FRRS1L: variants seen among roughly 807,000 people sequenced by gnomAD.
FRRS1L encodes ferric chelate reductase 1 like, also known as DOMON domain-containing protein FRRS1L.
A neutral mutation model predicts 28.6 loss-of-function variants in FRRS1L; 22 were observed. That is an observed-to-expected ratio of 0.77 (90% CI 0.55 to 1.10). The LOEUF (loss-of-function observed/expected upper bound fraction) is 1.10. Ranked by LOEUF, FRRS1L falls within the 50% of genes least tolerant of loss-of-function variation. The pLI is 0.00. For synonymous variants in FRRS1L, 158 were observed against 151.4 expected (o/e 1.04, Z -0.32); for missense variants, 380 against 386.9 (o/e 0.98, Z 0.15).
At chr9:109,162,814 C>T (rs1831494635) in intron 1 of FRRS1L, among the ~76,000 whole-genome samples, 1 of 152,124 alleles carries the variant, frequency 6.6e-6, no homozygotes, top group Admixed American at 6.5e-5. Context: ...TGCCCTTTGC[C>T]CCATGTTCTG....
chr9:109,166,923 G>C lies in FRRS1L; in HGVS notation c.216C>G (p.Asp72Glu). The C allele has an allele frequency of 7.3e-7, 1 of 1,371,636 alleles. No homozygotes were observed. The highest frequency in any genetic ancestry group is 9.5e-7 in the Non-Finnish European group (1 of 1,053,218). The allele number at this position is 1,371,636 out of a possible 1,614,324, so 85.0% of individuals were successfully genotyped here. ...SYGTFAGEFY[D>E]LRYLSEEGYP... ...CACCCTCCTCCGACAGGTAGCGCAGGTCGTAGAACTCCCCCGCGAAGGTGC... is the reference window on the plus strand; with the variant it reads ...CACCCTCCTCCGACAGGTAGCGCAGCTCGTAGAACTCCCCCGCGAAGGTGC... The change falls in exon 1 of 5, where the codon GAC becomes GAG. Residue 72 changes from aspartate (D) to glutamate (E), a missense_variant. Physicochemically the swap from Asp to Glu is conservative, Grantham distance 45. Transcript: ENST00000561981.
chr9:109,138,278 C>A (rs1240875337), intron 4 of FRRS1L: 1 of 152,148 alleles, frequency 6.6e-6, no homozygotes, highest in Non-Finnish European at 1.5e-5. Context: ...CCAAACTAGT[C>A]TTTGGATGGG....
intron 3 of FRRS1L, among the ~76,000 whole-genome samples, chr9:109,143,686 T>C (rs1021203296): frequency 4.0e-5 from 6 of 151,886 alleles, no homozygotes; most frequent in African/African-American, 1.5e-4. Flanking sequence ...AGCTAATTTT[T>C]GTATTTTTAG....
At chr9:109,155,555 A>G (rs77195107) in intron 1 of FRRS1L, among the ~76,000 whole-genome samples, 3,640 of 152,110 alleles carry the variant, frequency 0.024, 62 homozygotes, top group East Asian at 0.094. Flanking sequence ...TTCTACTAAA[A>G]ATACAAAAAT....
intron 1 of FRRS1L, among the ~76,000 whole-genome samples, chr9:109,160,310 C>T (rs1831465145): frequency 6.6e-6 from 1 of 152,184 alleles, no homozygotes; most frequent in Admixed American, 6.5e-5. Flanking sequence ...AGTGGATAAT[C>T]CCACTAGCCA....
Position 109,143,532 on chromosome 9 carries a change from T to TC in FRRS1L, c.463-1944dup, listed in dbSNP as rs577085511. On this transcript the variant is annotated intron_variant, in intron 3 of 4. Transcript: ENST00000561981. ...ATAATGCACCTTTTTTTTTTTTTTT[T>TC]CCCCGACAGAGTCTCACTGTTGCTC... 6.3e-4 allele frequency among the ~76,000 whole-genome samples: 86 copies of TC among 135,642 alleles called. 1 individual carries two copies. Among genetic ancestry groups the TC allele is most frequent in the African/African-American group, 1.8e-3 (65 of 35,836 alleles). 89.0% of individuals were successfully genotyped at this position (135,642 alleles called of 152,430 possible). A position where few individuals can be genotyped will look rare whatever the true frequency, so the allele number is the denominator to read the frequency against.
chr9:109,161,180 C>T (rs1486988625), intron 1 of FRRS1L, among the ~76,000 whole-genome samples: 2 of 152,094 alleles, frequency 1.3e-5, no homozygotes, highest in Non-Finnish European at 2.9e-5. Context: ...AGTCTTGAGA[C>T]ATATGTGTTG....
chr9:109,142,566 C>A (rs1416937182), intron 3 of FRRS1L, among the ~76,000 whole-genome samples: 1 of 152,066 alleles, frequency 6.6e-6, no homozygotes, highest in Non-Finnish European at 1.5e-5. Context: ...GTCATCCCAA[C>A]AATGTGGGAA....
intron 3 of FRRS1L, among the ~76,000 whole-genome samples, chr9:109,146,522 C>T (rs1162690300): frequency 6.6e-6 from 1 of 152,156 alleles, no homozygotes; most frequent in Non-Finnish European, 1.5e-5. Context: ...GGAACACCCC[C>T]ACACATCTGG....
chr9:109,144,525 C>T (rs185180586), intron 3 of FRRS1L, among the ~76,000 whole-genome samples: 4 of 151,892 alleles, frequency 2.6e-5, no homozygotes, highest in Non-Finnish European at 4.4e-5. Flanking sequence ...CCACCATACC[C>T]GGCTAAGTTT....
chr9:109,142,872 C>A (rs140650290), intron 3 of FRRS1L, among the ~76,000 whole-genome samples: 1 of 151,768 alleles, frequency 6.6e-6, no homozygotes, highest in Non-Finnish European at 1.5e-5. Context: ...TTGTTATGTG[C>A]GTTTTACCAC....
chr9:109,139,340 G>A (rs1395270413), intron 4 of FRRS1L: 1 of 152,206 alleles, frequency 6.6e-6, no homozygotes, highest in African/African-American at 2.4e-5. Flanking sequence ...GAGCTTATCA[G>A]GTAAAGCAGG....
Position 109,137,557 on chromosome 9 carries a change from T to C in FRRS1L, c.780A>G (p.Glu260=). ...AGGCAGCTGATGGCATAAAAATGTC[T>C]TCATACTTGTAAATACTGACAACAC... The part of the protein sequence containing the change: ...SERVVSIYKY[E]DIFMPSAAYQ... Residue 260 remains glutamate, a synonymous_variant, in exon 5 of 5, where the codon GAA becomes GAG. Transcript: ENST00000561981. 4.3e-6 allele frequency: 7 copies of C among 1,613,242 alleles called. No homozygotes were observed. Among genetic ancestry groups the C allele is most frequent in the Non-Finnish European group, 5.9e-6 (7 of 1,179,364 alleles).
Position 109,166,976 on chromosome 9 carries a change from C to A in FRRS1L, c.163G>T (p.Ala55Ser). 7.6e-7 allele frequency: 1 copy of A among 1,312,036 alleles called. No homozygotes were observed. 81.3% of individuals were successfully genotyped at this position (1,312,036 alleles called of 1,614,324 possible). ...RARGDTGADE[A>S]VPRHDSSYGT... ...TAGGAGGAGTCGTGGCGCGGCACCG[C>A]CTCGTCGGCGCCCGTGTCCCCCCGC... is the stretch of plus-strand genomic sequence containing the variant. The change falls in exon 1 of 5, where the codon GCG becomes TCG. Residue 55 changes from alanine (A) to serine (S), a missense_variant. Physicochemically the swap from Ala to Ser is moderately conservative, Grantham distance 99. Transcript: ENST00000561981.
At chr9:109,155,041 G>A (rs913793629) in intron 1 of FRRS1L, among the ~76,000 whole-genome samples, 3 of 152,130 alleles carry the variant, frequency 2.0e-5, no homozygotes, top group Admixed American at 1.3e-4. Flanking sequence ...CTGGATCTAA[G>A]GTTCAGGTTC....
chr9:109,156,261 G>A (rs1383421480), intron 1 of FRRS1L, among the ~76,000 whole-genome samples: 9 of 152,164 alleles, frequency 5.9e-5, no homozygotes, highest in Admixed American at 5.9e-4. Flanking sequence ...TATCTTATGA[G>A]AGTTTTCAAA....
At chr9:109,141,625 A>G in intron 3 of FRRS1L, 36 bp from the exon 4 acceptor site, 1 of 1,594,270 alleles carries the variant, frequency 6.3e-7, no homozygotes, top group South Asian at 1.1e-5. Context: ...AAAAAAGTCA[A>G]AGGTTCATCT....
intron 3 of FRRS1L, among the ~76,000 whole-genome samples, chr9:109,146,366 G>A (rs1245619164): frequency 1.3e-5 from 2 of 152,162 alleles, no homozygotes; most frequent in Admixed American, 1.3e-4. Flanking sequence ...CCTGGGGCTT[G>A]TGACGGGTGT....
Position 109,162,778 on chromosome 9 carries a change from A to G in FRRS1L, c.238+4123T>C, listed in dbSNP as rs907234952. Among the ~76,000 whole-genome samples the G allele has an allele frequency of 1.1e-4, 17 of 152,230 alleles. 1 individual carries two copies. The highest frequency in any genetic ancestry group is 1.0e-3 in the Admixed American group (16 of 15,290). ...CATACCGTCCAAGGTAGATGGGGGA[A>G]GGATATAGGAAGATGACTAAACTTC... is the stretch of plus-strand genomic sequence containing the variant. On this transcript the variant is annotated intron_variant, in intron 1 of 4. Transcript: ENST00000561981.
Sources: gnomAD v4.1 joint callset for allele counts (sites outside exome capture counted in the v4.1 genomes callset) on GRCh38, gnomAD v4.1.1 for gene constraint, MANE v1.5 for transcripts, NCBI Gene and HGNC (gene_info 2026-07-23, HGNC 2026-07-21) for gene names.